The following DENND4C variants were observed in gnomAD, a reference collection of about 807,000 sequenced individuals.
The protein encoded by DENND4C is DENN domain containing 4C.
DENND4C carries 108 observed loss-of-function variants against 203.0 expected under a neutral mutation model. That is an observed-to-expected ratio of 0.53 (90% CI 0.46 to 0.62). The LOEUF (loss-of-function observed/expected upper bound fraction) is 0.62. Ranked by LOEUF, DENND4C falls within the 20% of genes least tolerant of loss-of-function variation. The pLI is 0.00. For synonymous variants in DENND4C, 871 were observed against 792.4 expected (o/e 1.10, Z -1.67); for missense variants, 2,481 against 2,301.2 (o/e 1.08, Z -1.60).
chr9:19,300,277 G>A lies in DENND4C; in HGVS notation c.1257G>A (p.Leu419=). ...TTGTTTTACTTGAGAGTAAAATTCTGCTGCATTCTCTTAGGCCAGCTGTCT... is the reference window on the plus strand; with the variant it reads ...TTGTTTTACTTGAGAGTAAAATTCTACTGCATTCTCTTAGGCCAGCTGTCT... ...LLFVLLESKI[L]LHSLRPAVLT... is the part of the protein sequence containing the mutation. The change falls in exon 9 of 33, where the codon CTG becomes CTA. Residue 419 remains leucine, a synonymous_variant. Transcript: ENST00000434457. The A allele has an allele frequency of 6.2e-7, 1 of 1,612,104 alleles. No homozygotes were observed.
intron 23 of DENND4C, among the ~76,000 whole-genome samples, chr9:19,347,902 T>C (rs1276844271): frequency 7.9e-5 from 12 of 152,214 alleles, no homozygotes; most frequent in Non-Finnish European, 7.4e-5. Flanking sequence ...ATAATTGTCT[T>C]TAAAAAAACG....
At chr9:19,240,835 T>TGGA (rs1823499937) in intron 1 of DENND4C, among the ~76,000 whole-genome samples, 2 of 151,724 alleles carry the variant, frequency 1.3e-5, no homozygotes, top group Admixed American at 1.3e-4. Context: ...GGTATGGTGG[T>TGGA]GGACGCCTGT....
chr9:19,334,476 A>C (rs1819976267), intron 17 of DENND4C, among the ~76,000 whole-genome samples: 1 of 148,466 alleles, frequency 6.7e-6, no homozygotes, highest in Non-Finnish European at 1.5e-5. Context: ...GAAATGGTTA[A>C]TAATGATGAT....
intron 10 of DENND4C, among the ~76,000 whole-genome samples, chr9:19,310,841 C>T (rs1840598002): frequency 6.6e-6 from 1 of 151,932 alleles, no homozygotes; most frequent in East Asian, 1.9e-4. Context: ...GCATTTTCTC[C>T]TTTACTCTGT....
chr9:19,273,454 A>G (rs900358946), intron 1 of DENND4C, among the ~76,000 whole-genome samples: 3 of 152,026 alleles, frequency 2.0e-5, no homozygotes, highest in Admixed American at 6.6e-5. Context: ...GAGTTCATCA[A>G]AAACCTCTGT....
chr9:19,319,691 C>T (rs13298053), intron 12 of DENND4C, among the ~76,000 whole-genome samples: 8,933 of 151,822 alleles, frequency 0.059, 349 homozygotes, highest in East Asian at 0.24. Context: ...TTTCTAGGCC[C>T]TAAAGTTTTA....
At chr9:19,273,795 A>G (rs1479342825) in intron 1 of DENND4C, among the ~76,000 whole-genome samples, 5 of 152,048 alleles carry the variant, frequency 3.3e-5, no homozygotes, top group African/African-American at 9.7e-5. Context: ...ATGTAGAACA[A>G]TTGGAACTCT....
chr9:19,372,695 G>A lies in DENND4C; in HGVS notation c.*522G>A, dbSNP rs1345263721. ...TCGAGACCAGCCTGGCCAACACGGT[G>A]AGACCCTGTCTTTACTAAAAATACA... On this transcript the variant is annotated 3_prime_UTR_variant, in exon 33 of 33. Coordinates refer to ENST00000434457, the MANE Select transcript of DENND4C (RefSeq NM_001330640.2). 1.3e-5 allele frequency: 2 copies of A among 152,596 alleles called. No homozygotes were observed. The highest frequency in any genetic ancestry group is 2.9e-5 in the Non-Finnish European group (2 of 68,476). 9.5% of individuals were successfully genotyped at this position (152,596 alleles called of 1,614,324 possible). A position where few individuals can be genotyped will look rare whatever the true frequency, so the allele number is the denominator to read the frequency against.
chr9:19,239,684 A>G (rs758397392), intron 1 of DENND4C, among the ~76,000 whole-genome samples: 4 of 152,144 alleles, frequency 2.6e-5, no homozygotes, highest in African/African-American at 4.8e-5. Context: ...ATGGGGTTTC[A>G]TCGTGTTGGC....
At chr9:19,338,035 C>G (rs561805806) in intron 20 of DENND4C, among the ~76,000 whole-genome samples, 1 of 152,184 alleles carries the variant, frequency 6.6e-6, no homozygotes, top group South Asian at 2.1e-4. Flanking sequence ...AATTCTTGTG[C>G]TAAAAACAAC....
chr9:19,332,173 C>T lies in DENND4C; in HGVS notation c.2449C>T (p.Pro817Ser). 1 of 1,613,446 alleles carries T rather than the reference C, an allele frequency of 6.2e-7. No homozygotes were observed. Among genetic ancestry groups the T allele is most frequent in the Non-Finnish European group, 8.5e-7 (1 of 1,179,574 alleles). The change falls in exon 17 of 33, where the codon CCC becomes TCC. Residue 817 changes from proline (P) to serine (S), a missense_variant. Physicochemically the swap from Pro to Ser is moderately conservative, Grantham distance 74. Around this residue, in one of 3 missense-constraint regions of DENND4C, gnomAD observed 2,289 missense variants for 2,113.3 expected, o/e 1.08. Transcript: ENST00000434457. ...TAAGATGAGGAAAACAGATGTGGAT[C>T]CCTTAGATGAGGCAAGTATAACAAA... Reference protein sequence around the residue: ...LIKMRKTDVDPLDEVCYRVVM... With the variant: ...LIKMRKTDVDSLDEVCYRVVM...
chr9:19,371,628 C>G (rs1319673634), intron 31 of DENND4C, 128 bp from the exon 32 acceptor site: 2 of 541,908 alleles, frequency 3.7e-6, no homozygotes, highest in Non-Finnish European at 6.7e-6. Context: ...ATATTAAAAC[C>G]AGGACATTGA....
In DENND4C at chr9:19,244,493, C is replaced by T. The variant is rs1824617194; in HGVS notation, c.-18+13660C>T. Among the ~76,000 whole-genome samples, 3 of 151,950 alleles carry T rather than the reference C, an allele frequency of 2.0e-5. 1 individual carries two copies. Among genetic ancestry groups the T allele is most frequent in the Non-Finnish European group, 4.4e-5 (3 of 67,974 alleles). On this transcript the variant is annotated intron_variant, in intron 1 of 32. Transcript: ENST00000434457. ...TGGTGGCTCACACCTGTAATCCCAG[C>T]ACTTTGGGAGGCTGAGGCGGGAGGA...
chr9:19,321,848 AAAG>A (rs1842937984), intron 12 of DENND4C, among the ~76,000 whole-genome samples: 5 of 151,662 alleles, frequency 3.3e-5, no homozygotes, highest in Admixed American at 3.3e-4. Flanking sequence ...AAAAAAAAAA[AAAG>A]AGAAATAGCT....
chr9:19,350,748 A>G lies in DENND4C; in HGVS notation c.4364A>G (p.His1455Arg). 2 of 1,614,018 alleles carry G rather than the reference A, an allele frequency of 1.2e-6. No individual in the cohort carries two copies. Among genetic ancestry groups the G allele is most frequent in the Non-Finnish European group, 1.7e-6 (2 of 1,180,002 alleles). The change falls in exon 24 of 33, where the codon CAT (histidine) becomes CGT (arginine). Residue 1455 changes from histidine to arginine, a missense_variant. Transcript: ENST00000434457. ...AGCTTCCCAGCTGGCCTAGAAGACCATATTTTGGGGGAGAATATATCGCCT... is the reference window on the plus strand; with the variant it reads ...AGCTTCCCAGCTGGCCTAGAAGACCGTATTTTGGGGGAGAATATATCGCCT... ...DYSFPAGLED[H>R]ILGENISPNT...
At chr9:19,231,434 A>G (rs570554219) in intron 1 of DENND4C, among the ~76,000 whole-genome samples, 2 of 152,256 alleles carry the variant, frequency 1.3e-5, no homozygotes, top group East Asian at 1.9e-4. Flanking sequence ...CTAGGAGGGC[A>G]GTATCCTTTT....
intron 1 of DENND4C, among the ~76,000 whole-genome samples, chr9:19,236,118 G>A (rs1023601060): frequency 6.6e-6 from 1 of 151,424 alleles, no homozygotes; most frequent in African/African-American, 2.4e-5. Flanking sequence ...AAGCATAAAT[G>A]TTATAAATCT....
rs1563839861 is a variant in DENND4C at position 19,358,586 on chromosome 9, A to G, written c.5160+426A>G. Among the ~76,000 whole-genome samples the G allele has an allele frequency of 6.6e-6, 1 of 151,798 alleles. No homozygotes were observed. The highest frequency in any genetic ancestry group is 2.1e-4 in the South Asian group (1 of 4,828). ...AGTATCAAGTTATTTAGTCTGTTCA[A>G]ATTTCTGATTGTCTCAAAAATGTCA... On this transcript the variant is annotated intron_variant, in intron 28 of 32. Coordinates refer to ENST00000434457, the MANE Select transcript of DENND4C (RefSeq NM_001330640.2). This position sits in a 1 kb window ranked among gnomAD's most constrained non-coding sequence, Gnocchi z 4.8.
At chr9:19,290,594 CAA>C (rs923980281) in intron 4 of DENND4C, 108 bp from the exon 5 acceptor site, 1 of 702,950 alleles carries the variant, frequency 1.4e-6, no homozygotes, top group African/African-American at 1.8e-5. Flanking sequence ...AAATACCACA[CAA>C]GTATTGCCAT....
Sources: gnomAD v4.1 joint callset for allele counts (sites outside exome capture counted in the v4.1 genomes callset) on GRCh38, gnomAD v4.1.1 for gene constraint, gnomAD v4.1.1 regional missense constraint, Gnocchi (gnomAD v3.1) non-coding constraint, MANE v1.5 for transcripts, NCBI Gene and HGNC (gene_info 2026-07-23, HGNC 2026-07-21) for gene names.